The following LRP1B variants were observed in gnomAD, a reference collection of about 807,000 sequenced individuals.
LRP1B encodes LDL receptor related protein 1B.
Under a neutral mutation model 556.6 loss-of-function variants are expected in LRP1B, and 217 were observed. The observed-to-expected ratio is 0.39, with a 90% CI of 0.35 to 0.44. The LOEUF (loss-of-function observed/expected upper bound fraction) is 0.44. Ranked by LOEUF, LRP1B falls within the 20% of genes least tolerant of loss-of-function variation. The pLI, the probability that LRP1B is intolerant of heterozygous loss-of-function variation, is 1.00. For missense variants in LRP1B, 5,053 were observed against 5,620.8 expected, an observed-to-expected ratio of 0.90 and a Z score of 3.23; for synonymous variants, 2,047 against 1,865.8, an observed-to-expected ratio of 1.10 and a Z score of -2.50.
chr2:142,128,702 T>C (rs556384315), intron 1 of LRP1B, among the ~76,000 whole-genome samples: 2 of 152,340 alleles, frequency 1.3e-5, no homozygotes, highest in Admixed American at 1.3e-4. Context: ...TCTGATATAG[T>C]ACTTCATGTG....
chr2:140,592,113 T>C (rs1479376922), intron 43 of LRP1B, among the ~76,000 whole-genome samples: 2 of 152,196 alleles, frequency 1.3e-5, no homozygotes, highest in Admixed American at 1.3e-4. Flanking sequence ...TTACTTTTTC[T>C]ATATATCTCC....
intron 1 of LRP1B, among the ~76,000 whole-genome samples, chr2:141,931,326 G>A (rs954453413): frequency 6.6e-6 from 1 of 151,934 alleles, no homozygotes; most frequent in Non-Finnish European, 1.5e-5. Flanking sequence ...AGGAGGGGTG[G>A]AGGAATTACA....
Position 140,631,949 on chromosome 2 carries a change from C to T in LRP1B, c.6800-30310G>A, listed in dbSNP as rs146850943. ...TATAGAAGAACAAGGATAAAAGTTA[C>T]ACCAGACTTCTCATTAGAAACCAAA... On this transcript the variant is annotated intron_variant, in intron 41 of 90. Coordinates refer to ENST00000389484, the MANE Select transcript of LRP1B (RefSeq NM_018557.3). Among the ~76,000 whole-genome samples, 695 of 152,136 alleles carry T rather than the reference C, an allele frequency of 4.6e-3. 1 individual carries two copies. The highest frequency in any genetic ancestry group is 7.3e-3 in the Non-Finnish European group (494 of 67,984).
intron 63 of LRP1B, among the ~76,000 whole-genome samples, chr2:140,445,309 G>T (rs1158967984): frequency 6.6e-6 from 1 of 151,984 alleles, no homozygotes; most frequent in Admixed American, 6.6e-5. Flanking sequence ...TAGAGATAGG[G>T]TTTCACCATG....
At chr2:140,558,529 A>G (rs1367659368) in intron 43 of LRP1B, among the ~76,000 whole-genome samples, 1 of 152,170 alleles carries the variant, frequency 6.6e-6, no homozygotes, top group East Asian at 1.9e-4. Context: ...AATTTGTAGG[A>G]AATTTCCAGA....
At chr2:141,231,087 C>T (rs1683441686) in intron 5 of LRP1B, among the ~76,000 whole-genome samples, 1 of 152,154 alleles carries the variant, frequency 6.6e-6, no homozygotes, top group African/African-American at 2.4e-5. Flanking sequence ...GAAGGGAATT[C>T]AGAGTATGAC....
At chr2:140,584,172 C>T (rs1681890517) in intron 43 of LRP1B, among the ~76,000 whole-genome samples, 1 of 151,726 alleles carries the variant, frequency 6.6e-6, no homozygotes, top group South Asian at 2.1e-4. Flanking sequence ...CACATTATAA[C>T]CTGCTCAAGA....
At chr2:140,553,086 C>G (rs1574072715) in intron 43 of LRP1B, among the ~76,000 whole-genome samples, 2 of 152,126 alleles carry the variant, frequency 1.3e-5, no homozygotes. Context: ...AACTGGGAGG[C>G]TTCCCAAACT....
At chr2:140,360,903 T>G (rs1682473338) in intron 72 of LRP1B, among the ~76,000 whole-genome samples, 1 of 151,512 alleles carries the variant, frequency 6.6e-6, no homozygotes, top group Admixed American at 6.6e-5. Context: ...ATAATTTACT[T>G]CATTTGTAAA....
chr2:141,497,872 T>TA lies in LRP1B; in HGVS notation c.206-17340dup, dbSNP rs559624285. Reference sequence around the variant, plus strand: ...TTTAACTTTTATGAAAATAAGAGAATAAAAAAATTATATTTAGGATATAAA... The same window carrying TA: ...TTTAACTTTTATGAAAATAAGAGAATAAAAAAAATTATATTTAGGATATAAA... On this transcript the variant is annotated intron_variant, in intron 2 of 90. Transcript: ENST00000389484. Among the ~76,000 whole-genome samples the TA allele has an allele frequency of 2.6e-5, 4 of 151,974 alleles. No individual in the cohort carries two copies. In the East Asian group the frequency reaches 7.7e-4, roughly 29 times the overall value.
chr2:141,631,538 CAAAAAAAAAA>C (rs71391663), intron 2 of LRP1B, among the ~76,000 whole-genome samples: 4 of 92,568 alleles, frequency 4.3e-5, no homozygotes, highest in Non-Finnish European at 8.7e-5. Flanking sequence ...ACCAGTTTTC[CAAAAAAAAAA>C]AAAAAAAAAA....
intron 7 of LRP1B, among the ~76,000 whole-genome samples, chr2:141,087,717 A>T (rs191842598): frequency 3.6e-4 from 55 of 152,304 alleles, no homozygotes; most frequent in African/African-American, 1.3e-3. Context: ...TTACAGCATG[A>T]TGCTCGAGTG....
At chr2:141,227,728 G>A (rs1217712032) in intron 6 of LRP1B, among the ~76,000 whole-genome samples, 1 of 151,834 alleles carries the variant, frequency 6.6e-6, no homozygotes, top group East Asian at 1.9e-4. Flanking sequence ...TTCACAATTT[G>A]CCTTTGACTC....
At position 140,882,617 on chromosome 2, in the gene LRP1B, C is replaced by A. The variant is rs570062669; in HGVS notation, c.4169+1200G>T. Among the ~76,000 whole-genome samples the A allele has an allele frequency of 2.0e-5, 3 of 152,280 alleles. No individual in the cohort carries two copies. In the South Asian group the frequency reaches 6.2e-4, roughly 32 times the overall value. On this transcript the variant is annotated intron_variant, in intron 25 of 90. Coordinates refer to ENST00000389484, the MANE Select transcript of LRP1B (RefSeq NM_018557.3). Reference sequence around the variant, plus strand: ...TAAATGAGGGTGGCCAATTTGGAATCCTTGCTCTAGATAAATGGTTTCTGC... The same window carrying A: ...TAAATGAGGGTGGCCAATTTGGAATACTTGCTCTAGATAAATGGTTTCTGC...
chr2:140,764,264 C>T (rs1373526234), intron 35 of LRP1B, among the ~76,000 whole-genome samples: 2 of 152,216 alleles, frequency 1.3e-5, no homozygotes, highest in East Asian at 1.9e-4. Flanking sequence ...AAATAATACA[C>T]GATCTTCTAC....
intron 7 of LRP1B, among the ~76,000 whole-genome samples, chr2:141,128,324 A>C (rs1232382873): frequency 6.6e-6 from 1 of 152,230 alleles, no homozygotes; most frequent in African/African-American, 2.4e-5. Context: ...TTGGATCTTC[A>C]CTACAGATAG....
At chr2:141,816,729 C>G in intron 1 of LRP1B, among the ~76,000 whole-genome samples, 1 of 152,040 alleles carries the variant, frequency 6.6e-6, no homozygotes, top group East Asian at 1.9e-4. Context: ...AATACACCAC[C>G]CATCCTCAAT....
At chr2:141,368,467 G>T (rs1334284216) in intron 3 of LRP1B, among the ~76,000 whole-genome samples, 1 of 152,190 alleles carries the variant, frequency 6.6e-6, no homozygotes, top group Non-Finnish European at 1.5e-5. Flanking sequence ...TGATGGAGAA[G>T]TTCCTTAGCT....
chr2:140,613,682 C>T (rs1257282765), intron 41 of LRP1B, among the ~76,000 whole-genome samples: 1 of 151,732 alleles, frequency 6.6e-6, no homozygotes, highest in Middle Eastern at 3.2e-3. Context: ...TCTCTGCCCA[C>T]ATTAAAAGAC....
Sources: gnomAD v4.1 joint callset for allele counts (sites outside exome capture counted in the v4.1 genomes callset) on GRCh38, gnomAD v4.1.1 for gene constraint, MANE v1.5 for transcripts, NCBI Gene and HGNC (gene_info 2026-07-23, HGNC 2026-07-21) for gene names.